Variants in CAPN5 observed in about 807,000 individuals in gnomAD.
The protein encoded by CAPN5 is calpain 5.
Under a neutral mutation model 73.0 loss-of-function variants are expected in CAPN5, and 54 were observed. The observed-to-expected ratio is 0.74, with a 90% confidence interval of 0.59 to 0.93. The LOEUF (loss-of-function observed/expected upper bound fraction) is 0.93, where lower values mean the gene tolerates loss of function less well. Ranked by LOEUF, CAPN5 falls within the 40% of genes least tolerant of loss-of-function variation. The pLI is 0.00. For synonymous variants in CAPN5, 335 were observed against 356.9 expected, an observed-to-expected ratio of 0.94 and a Z score of 0.69; for missense variants, 785 against 882.9, an observed-to-expected ratio of 0.89 and a Z score of 1.41.
intron 3 of CAPN5, among the ~76,000 whole-genome samples, chr11:77,107,689 C>G (rs1338501836): frequency 6.6e-6 from 1 of 152,154 alleles, no homozygotes; most frequent in Non-Finnish European, 1.5e-5. Context: ...CCGTGGGTGG[C>G]CGTTGGTGGA....
At position 77,118,256 on chromosome 11, in the gene CAPN5, C is replaced by T. The variant is rs374842462; in HGVS notation, c.1071C>T (p.Ala357=). ...HLSIHKTWEE[A]RLHGAWTLHE... ...GCATCCACAAGACGTGGGAGGAGGC[C>T]CGGCTGCATGGCGCCTGGACGCTGC... Residue 357 remains alanine, a synonymous_variant, in exon 8 of 13, where the codon GCC becomes GCT. Coordinates refer to ENST00000648180, the MANE Select transcript of CAPN5 (RefSeq NM_004055.5). 5.0e-6 allele frequency: 8 copies of T among 1,614,012 alleles called. No individual in the cohort carries two copies. The highest frequency in any genetic ancestry group is 5.1e-6 in the Non-Finnish European group (6 of 1,180,040).
intron 2 of CAPN5, among the ~76,000 whole-genome samples, chr11:77,088,803 G>T (rs896956735): frequency 6.6e-6 from 1 of 152,172 alleles, no homozygotes; most frequent in Non-Finnish European, 1.5e-5. Flanking sequence ...ATAGAAACCT[G>T]AATTTCTTGT....
chr11:77,106,253 GC>G (rs1209242043), intron 3 of CAPN5, among the ~76,000 whole-genome samples: 1 of 117,304 alleles, frequency 8.5e-6, no homozygotes, highest in Non-Finnish European at 1.8e-5. Flanking sequence ...CCCTTCCCCA[GC>G]CCCGCACCCA....
chr11:77,073,011 T>G, intron 1 of CAPN5: 1 of 1,089,330 alleles, frequency 9.2e-7, no homozygotes, highest in Non-Finnish European at 1.2e-6. Flanking sequence ...CGGTGGGGAG[T>G]GAGCGAGCAC....
intron 3 of CAPN5, among the ~76,000 whole-genome samples, chr11:77,107,734 T>A (rs575497675): frequency 1.3e-5 from 2 of 152,310 alleles, no homozygotes; most frequent in Non-Finnish European, 2.9e-5. Flanking sequence ...AGGCGGCAGA[T>A]CCTGCCAGTC....
chr11:77,085,017 C>T lies in CAPN5; in HGVS notation c.131C>T (p.Thr44Met), dbSNP rs200629808. Residue 44 changes from threonine to methionine, a missense_variant, in exon 2 of 13, where the codon ACG becomes ATG. Physicochemically the swap from Thr to Met is moderately conservative, Grantham distance 81. Coordinates refer to ENST00000648180, the MANE Select transcript of CAPN5 (RefSeq NM_004055.5). ...GACGACTCACTCTACTATAAGGGCA[C>T]GCCGGGGCCCGCCGTCAGGTGGAAG... ...ATDDSLYYKG[T>M]PGPAVRWKRP... 1.5e-5 allele frequency: 24 copies of T among 1,613,492 alleles called. No individual in the cohort carries two copies. Among genetic ancestry groups the T allele is most frequent in the African/African-American group, 4.0e-5 (3 of 75,070 alleles).
At chr11:77,096,050 CT>C (rs1232266721) in intron 3 of CAPN5, among the ~76,000 whole-genome samples, 4 of 151,504 alleles carry the variant, frequency 2.6e-5, no homozygotes, top group Admixed American at 2.0e-4. Context: ...CCTTCCGTCC[CT>C]CGTCCCTGTT....
intron 11 of CAPN5, 82 bp from the exon 12 acceptor site, chr11:77,122,494 G>T: frequency 8.6e-7 from 1 of 1,165,266 alleles, no homozygotes. Context: ...TGAGCCGGGT[G>T]GGCATCTCAC....
rs113175893 is a variant in CAPN5 at position 77,109,643 on chromosome 11, G to A, written c.298-2946G>A. Among the ~76,000 whole-genome samples the A allele has an allele frequency of 9.7e-4, 148 of 152,250 alleles. 1 individual carries two copies. The highest frequency in any genetic ancestry group is 3.0e-3 in the African/African-American group (126 of 41,536). On this transcript the variant is annotated intron_variant, in intron 3 of 12. Coordinates refer to ENST00000648180, the MANE Select transcript of CAPN5 (RefSeq NM_004055.5). The stretch of plus-strand genomic sequence containing the variant: ...TGGCGTGGGAGGGTTTTTGGTGTGC[G>A]AGCGCATCTATTTAGACAGTCTCCC...
In CAPN5 at chr11:77,118,227, C is replaced by G. The variant is rs1253993437; in HGVS notation, c.1042C>G (p.Leu348Val). 7 of 1,614,052 alleles carry G rather than the reference C, an allele frequency of 4.3e-6. No homozygotes were observed. In the East Asian group the frequency reaches 1.6e-4, roughly 36 times the overall value. ...IKCRVINTSH[L>V]SIHKTWEEAR... The stretch of plus-strand genomic sequence containing the variant: ...GTGCCGCGTGATCAACACATCCCAC[C>G]TGAGCATCCACAAGACGTGGGAGGA... The change falls in exon 8 of 13, where the codon CTG becomes GTG. Residue 348 changes from leucine (L) to valine (V), a missense_variant. Physicochemically the swap from Leu to Val is conservative, Grantham distance 32. Coordinates refer to ENST00000648180, the MANE Select transcript of CAPN5 (RefSeq NM_004055.5).
intron 6 of CAPN5, 120 bp from the exon 7 acceptor site, chr11:77,116,106 C>A: frequency 1.1e-6 from 1 of 871,888 alleles, no homozygotes. Context: ...CTGGCCACAC[C>A]GTGCCGCTGG....
intron 3 of CAPN5, among the ~76,000 whole-genome samples, chr11:77,097,375 T>C (rs537413927): frequency 1.3e-5 from 2 of 151,544 alleles, no homozygotes; most frequent in Non-Finnish European, 2.9e-5. Context: ...GACGAAAGGC[T>C]TGAAAAAGTA....
intron 9 of CAPN5, 36 bp from the exon 10 acceptor site, chr11:77,120,677 G>A (rs782704272): frequency 1.3e-6 from 2 of 1,512,854 alleles, no homozygotes; most frequent in South Asian, 1.2e-5. Context: ...TGTAGGGTGT[G>A]TCTCCGCGTG....
At position 77,109,584 on chromosome 11, in the gene CAPN5, C is replaced by T. The variant is rs192238810; in HGVS notation, c.298-3005C>T. On this transcript the variant is annotated intron_variant, in intron 3 of 12. Transcript: ENST00000648180. ...GTTCCTGAATCCTTTGACATGGCCC[C>T]GGGAGTCTGTGCTGGCTTCCTTGGT... Among the ~76,000 whole-genome samples the T allele has an allele frequency of 1.1e-3, 167 of 152,278 alleles. 1 individual carries two copies. The highest frequency in any genetic ancestry group is 1.3e-3 in the Non-Finnish European group (88 of 68,022).
rs1254603604 is a variant in CAPN5 at position 77,123,685 on chromosome 11, C to T, written c.1741-3C>T. On this transcript the variant is annotated splice_polypyrimidine_tract_variant and splice_region_variant and intron_variant, in intron 12 of 12. Coordinates refer to ENST00000648180, the MANE Select transcript of CAPN5 (RefSeq NM_004055.5). ...CCTCCCATGATCCTCTGTCTCTTCCCAGGTCTGGAACCACCGAGTGCTGAA... is the reference window on the plus strand; with the variant it reads ...CCTCCCATGATCCTCTGTCTCTTCCTAGGTCTGGAACCACCGAGTGCTGAA... 1.9e-6 allele frequency: 3 copies of T among 1,612,252 alleles called. No individual in the cohort carries two copies. In the African/African-American group the frequency reaches 4.0e-5, roughly 22 times the overall value.
intron 2 of CAPN5, among the ~76,000 whole-genome samples, chr11:77,089,463 T>C (rs1950126807): frequency 6.6e-6 from 1 of 152,214 alleles, no homozygotes; most frequent in African/African-American, 2.4e-5. Context: ...CTATGACCTA[T>C]GTCCAGCCAG....
At position 77,118,245 on chromosome 11, in the gene CAPN5, T is replaced by A. The variant is rs1555042089; in HGVS notation, c.1060T>A (p.Trp354Arg). 1 of 1,614,058 alleles carries A rather than the reference T, an allele frequency of 6.2e-7. No homozygotes were observed. The highest frequency in any genetic ancestry group is 2.2e-5 in the East Asian group (1 of 44,876). Residue 354 changes from tryptophan to arginine, a missense_variant, in exon 8 of 13, where the codon TGG becomes AGG. By Grantham distance (101) the Trp-to-Arg change is moderately radical. Transcript: ENST00000648180. ...NTSHLSIHKT[W>R]EEARLHGAWT... Reference sequence around the variant, plus strand: ...ATCCCACCTGAGCATCCACAAGACGTGGGAGGAGGCCCGGCTGCATGGCGC... The same window carrying A: ...ATCCCACCTGAGCATCCACAAGACGAGGGAGGAGGCCCGGCTGCATGGCGC...
At chr11:77,087,115 G>A (rs541989532) in intron 2 of CAPN5, among the ~76,000 whole-genome samples, 1 of 152,366 alleles carries the variant, frequency 6.6e-6, no homozygotes, top group Admixed American at 6.5e-5. Context: ...AGCAGTGATG[G>A]GGACTCAGAC....
intron 3 of CAPN5, among the ~76,000 whole-genome samples, chr11:77,101,206 C>T (rs1315149080): frequency 2.0e-5 from 3 of 152,312 alleles, no homozygotes; most frequent in African/African-American, 2.4e-5. Flanking sequence ...TGGCAGGCCC[C>T]GTTCTGGTTG....
Sources: gnomAD v4.1 joint callset for allele counts (sites outside exome capture counted in the v4.1 genomes callset) on GRCh38, gnomAD v4.1.1 for gene constraint, MANE v1.5 for transcripts, NCBI Gene and HGNC (gene_info 2026-07-23, HGNC 2026-07-21) for gene names.